The following CHCHD3 variants were observed in gnomAD, a reference collection of about 807,000 sequenced individuals.
The protein encoded by CHCHD3 is MICOS complex subunit MIC19.
In CHCHD3, 20 loss-of-function variants were observed where a neutral mutation model predicts 38.2. That is an observed-to-expected ratio of 0.52 (90% confidence interval 0.37 to 0.76). The LOEUF (loss-of-function observed/expected upper bound fraction) is 0.76, where lower values mean the gene tolerates loss of function less well. Ranked by LOEUF, CHCHD3 falls within the 30% of genes least tolerant of loss-of-function variation. The pLI is 0.00. For missense variants in CHCHD3, 245 were observed against 279.2 expected (o/e 0.88, Z 0.87); for synonymous variants, 82 against 100.0 (o/e 0.82, Z 1.07).
intron 7 of CHCHD3, among the ~76,000 whole-genome samples, chr7:132,790,491 A>T (rs1806429614): frequency 6.6e-6 from 1 of 152,152 alleles, no homozygotes; most frequent in Admixed American, 6.6e-5. Context: ...AGGAAATTTA[A>T]AGTTTGGAAT....
intron 4 of CHCHD3, among the ~76,000 whole-genome samples, chr7:132,899,346 G>A (rs1374334666): frequency 6.6e-6 from 1 of 152,184 alleles, no homozygotes; most frequent in South Asian, 2.1e-4. Flanking sequence ...CAGGCTGATG[G>A]GGAGCCCCAG....
intron 3 of CHCHD3, among the ~76,000 whole-genome samples, chr7:132,976,412 C>T (rs1811770101): frequency 1.3e-5 from 2 of 152,182 alleles, no homozygotes; most frequent in Admixed American, 1.3e-4. Flanking sequence ...TATTAAGTTA[C>T]AACCCACTAA....
intron 2 of CHCHD3, among the ~76,000 whole-genome samples, chr7:133,055,846 A>G (rs529129834): frequency 2.6e-5 from 4 of 152,158 alleles, no homozygotes; most frequent in South Asian, 4.2e-4. Context: ...AAAATAGTAT[A>G]AAGATGTAAG....
At chr7:132,905,576 T>C (rs1809781164) in intron 4 of CHCHD3, among the ~76,000 whole-genome samples, 1 of 151,582 alleles carries the variant, frequency 6.6e-6, no homozygotes, top group African/African-American at 2.4e-5. Flanking sequence ...ACATGTACCC[T>C]GGAAATTAAA....
At chr7:132,837,128 GTC>G (rs1438190070) in intron 6 of CHCHD3, among the ~76,000 whole-genome samples, 1 of 152,164 alleles carries the variant, frequency 6.6e-6, no homozygotes, top group Admixed American at 6.5e-5. Context: ...GATCACTCTA[GTC>G]AAAATTGATC....
chr7:132,901,696 T>C (rs1809673246), intron 4 of CHCHD3, among the ~76,000 whole-genome samples: 5 of 152,202 alleles, frequency 3.3e-5, no homozygotes, highest in Non-Finnish European at 5.9e-5. Flanking sequence ...TTTGAGTTCA[T>C]TGTAGATTCT....
intron 4 of CHCHD3, among the ~76,000 whole-genome samples, chr7:132,889,769 C>T (rs1462785841): frequency 6.6e-6 from 1 of 152,130 alleles, no homozygotes; most frequent in Non-Finnish European, 1.5e-5. Flanking sequence ...CGATATGAAT[C>T]CTGAAACTTA....
intron 2 of CHCHD3, among the ~76,000 whole-genome samples, chr7:133,029,979 A>T (rs2160897): frequency 6.6e-6 from 1 of 151,460 alleles, no homozygotes; most frequent in African/African-American, 2.4e-5. Context: ...AAGCACAGCT[A>T]TCTTTCTAAT....
intron 2 of CHCHD3, among the ~76,000 whole-genome samples, chr7:133,058,926 GAGCTCCCTGAGCT>G (rs1346592770): frequency 6.6e-6 from 1 of 152,150 alleles, no homozygotes; most frequent in Non-Finnish European, 1.5e-5. Flanking sequence ...AGCACACGGG[GAGCTCCCTGAGCT>G]AGCTCCCTGA....
intron 5 of CHCHD3, among the ~76,000 whole-genome samples, chr7:132,873,414 ATTTTT>A (rs57694292): frequency 7.7e-6 from 1 of 129,522 alleles, no homozygotes; most frequent in African/African-American, 2.8e-5. Flanking sequence ...TTCATGGTAA[ATTTTT>A]TTTTTTTTTT....
chr7:132,959,702 G>A (rs1385939004), intron 4 of CHCHD3, among the ~76,000 whole-genome samples: 1 of 128,000 alleles, frequency 7.8e-6, no homozygotes, highest in Admixed American at 9.7e-5. Context: ...CAGCCTGGGC[G>A]ACAGAGCAAA....
chr7:133,040,360 G>A (rs950827212), intron 2 of CHCHD3, among the ~76,000 whole-genome samples: 1 of 152,024 alleles, frequency 6.6e-6, no homozygotes. Context: ...TTTCAGAAGG[G>A]GCTAGCTGAC....
At chr7:132,906,235 T>G (rs1047366056) in intron 4 of CHCHD3, among the ~76,000 whole-genome samples, 2 of 152,244 alleles carry the variant, frequency 1.3e-5, no homozygotes, top group Non-Finnish European at 2.9e-5. Context: ...CAATTTATTT[T>G]AAATGTTAAA....
At chr7:132,811,750 C>T (rs1807075832) in intron 6 of CHCHD3, among the ~76,000 whole-genome samples, 1 of 152,206 alleles carries the variant, frequency 6.6e-6, no homozygotes, top group African/African-American at 2.4e-5. Context: ...ACTACACTCT[C>T]CTGTTTTTCC....
chr7:132,860,049 T>C (rs914133478), intron 5 of CHCHD3, among the ~76,000 whole-genome samples: 10 of 152,114 alleles, frequency 6.6e-5, no homozygotes, highest in Admixed American at 3.3e-4. Flanking sequence ...GTGAGGCAGA[T>C]TGCTTGGGCC....
chr7:132,801,005 C>A (rs1027123854), intron 6 of CHCHD3, among the ~76,000 whole-genome samples: 7 of 152,176 alleles, frequency 4.6e-5, no homozygotes, highest in Non-Finnish European at 8.8e-5. Context: ...AATGCAAAAA[C>A]TTTAATTTTT....
intron 6 of CHCHD3, among the ~76,000 whole-genome samples, chr7:132,832,306 A>T (rs1388904320): frequency 1.3e-5 from 2 of 152,154 alleles, no homozygotes; most frequent in African/African-American, 2.4e-5. Flanking sequence ...AACTTCATTC[A>T]GGGATAAAAG....
At chr7:133,013,869 T>C (rs1256686639) in intron 3 of CHCHD3, among the ~76,000 whole-genome samples, 1 of 152,168 alleles carries the variant, frequency 6.6e-6, no homozygotes, top group Non-Finnish European at 1.5e-5. Context: ...CCCTGGTAAT[T>C]TTCTTTTTTT....
chr7:132,924,092 C>T (rs1810320041), intron 4 of CHCHD3, among the ~76,000 whole-genome samples: 1 of 151,898 alleles, frequency 6.6e-6, no homozygotes, highest in Admixed American at 6.6e-5. Flanking sequence ...GGGACTTTGA[C>T]CACAGCTGGA....
Sources: gnomAD v4.1 joint callset for allele counts (sites outside exome capture counted in the v4.1 genomes callset) on GRCh38, gnomAD v4.1.1 for gene constraint, MANE v1.5 for transcripts, NCBI Gene and HGNC (gene_info 2026-07-23, HGNC 2026-07-21) for gene names.